The following RFTN1 variants were observed in gnomAD, a reference collection of about 807,000 sequenced individuals.
RFTN1 encodes the protein raftlin.
RFTN1 carries 26 observed loss-of-function variants against 46.5 expected under a neutral mutation model. The ratio of observed to expected loss-of-function variants is 0.56; its 90% CI spans 0.41 to 0.78. The LOEUF (loss-of-function observed/expected upper bound fraction) is 0.78, where lower values mean the gene tolerates loss of function less well. Ranked by LOEUF, RFTN1 falls within the 30% of genes least tolerant of loss-of-function variation. The probability of loss-of-function intolerance (pLI) is 0.00; values close to 1 mark genes in which losing one functional copy is unlikely to be tolerated. For missense variants in RFTN1, 693 were observed against 718.7 expected (o/e 0.96, Z 0.41); for synonymous variants, 261 against 284.2 (o/e 0.92, Z 0.82).
intron 8 of RFTN1, among the ~76,000 whole-genome samples, chr3:16,324,471 C>G (rs1230063948): frequency 6.6e-6 from 1 of 152,148 alleles, no homozygotes; most frequent in Non-Finnish European, 1.5e-5. Context: ...AAACACCATT[C>G]TACTCTCTGC....
In RFTN1 at chr3:16,425,961, G is replaced by C. The variant is rs1417856219; in HGVS notation, c.332+7890C>G. 6.6e-6 allele frequency among the ~76,000 whole-genome samples: 1 copy of C among 152,186 alleles called. No individual in the cohort carries two copies. Among genetic ancestry groups the C allele is most frequent in the African/African-American group, 2.4e-5 (1 of 41,454 alleles). ...CACCAGAAACGAGGGGCAGCTGCCA[G>C]CAACGGGTGTTCGCCCCACCTAAAT... On this transcript the variant is annotated intron_variant, in intron 3 of 9. Transcript: ENST00000334133. This position sits in a 1 kb window ranked among gnomAD's most constrained non-coding sequence, Gnocchi z 4.3.
At position 16,345,236 on chromosome 3, in the gene RFTN1, C is replaced by G. The variant is rs1409037371; in HGVS notation, c.1146+12696G>C. 6.8e-6 allele frequency: 1 copy of G among 147,488 alleles called. No individual in the cohort carries two copies. Among genetic ancestry groups the G allele is most frequent in the Admixed American group, 6.7e-5 (1 of 14,984 alleles). The allele number at this position is 147,488 out of a possible 1,614,324, so 9.1% of individuals were successfully genotyped here. A position where few individuals can be genotyped will look rare whatever the true frequency, so the allele number is the denominator to read the frequency against. ...TCAGCCCACCTGGATTTCTGGCCCA[C>G]AGAAACTGTAAGATAATAAGTAGGT... On this transcript the variant is annotated intron_variant, in intron 7 of 9. Transcript: ENST00000334133. The surrounding 1 kb of genome is among the most constrained non-coding windows in gnomAD (Gnocchi z 5.2).
rs1392371001 is a variant in RFTN1, at chr3:16,465,351, G to A, written c.145+28374C>T. Among the ~76,000 whole-genome samples, 6 of 151,292 alleles carry A rather than the reference G, an allele frequency of 4.0e-5. No homozygotes were observed. The highest frequency in any genetic ancestry group is 1.3e-4 in the Admixed American group (2 of 15,140). On this transcript the variant is annotated intron_variant, in intron 2 of 9. Coordinates refer to ENST00000334133, the MANE Select transcript of RFTN1 (RefSeq NM_015150.2). The surrounding 1 kb of genome is among the most constrained non-coding windows in gnomAD (Gnocchi z 5.1). ...ATTTTTATCCATTTGATTGCTGAAC[G>A]CTTTCATCAAGGCAATTCTCTGAGC... is the stretch of plus-strand genomic sequence containing the variant.
At chr3:16,379,561 G>T (rs113695506) in intron 4 of RFTN1, among the ~76,000 whole-genome samples, 3,497 of 152,260 alleles carry the variant, frequency 0.023, 136 homozygotes, top group African/African-American at 0.08. Flanking sequence ...GCAAAACCAG[G>T]TCTGGCCTGG....
At chr3:16,482,702 G>C (rs974761718) in intron 2 of RFTN1, 3 of 1,366,428 alleles carry the variant, frequency 2.2e-6, no homozygotes, top group Middle Eastern at 1.8e-4. Context: ...TGCCACATTA[G>C]CTGTTATTAC....
chr3:16,417,587 A>G (rs550984274), intron 3 of RFTN1, among the ~76,000 whole-genome samples: 1 of 152,212 alleles, frequency 6.6e-6, no homozygotes, highest in South Asian at 2.1e-4. Flanking sequence ...ACTGTGTGCA[A>G]ACTCAGAGAT....
intron 3 of RFTN1, among the ~76,000 whole-genome samples, chr3:16,417,166 T>G (rs1422528211): frequency 1.3e-5 from 2 of 151,580 alleles, no homozygotes; most frequent in African/African-American, 4.8e-5. Flanking sequence ...CATGCTACCA[T>G]GTCTGGCTAA....
intron 4 of RFTN1, among the ~76,000 whole-genome samples, chr3:16,392,905 C>G (rs145440569): frequency 5.3e-5 from 8 of 152,260 alleles, no homozygotes; most frequent in Admixed American, 5.2e-4. Flanking sequence ...TCTCCTAACC[C>G]TCTGTACTTT....
At chr3:16,462,817 C>T (rs1040047335) in intron 2 of RFTN1, among the ~76,000 whole-genome samples, 6 of 152,176 alleles carry the variant, frequency 3.9e-5, no homozygotes, top group Non-Finnish European at 7.3e-5. Flanking sequence ...CTCGTTTGAC[C>T]TTTAAACTAC....
In RFTN1 at chr3:16,407,271, C is replaced by T. The variant is rs149240553; in HGVS notation, c.441+2104G>A. ...AATCATAGCTCACTGTGGTCTCAAACTCCTGGGCTCAAGCAATTCTCTCGC... is the reference window on the plus strand; with the variant it reads ...AATCATAGCTCACTGTGGTCTCAAATTCCTGGGCTCAAGCAATTCTCTCGC... On this transcript the variant is annotated intron_variant, in intron 4 of 9. Transcript: ENST00000334133. This position sits in a 1 kb window ranked among gnomAD's most constrained non-coding sequence, Gnocchi z 4.0. Among the ~76,000 whole-genome samples, 5 of 152,320 alleles carry T rather than the reference C, an allele frequency of 3.3e-5. No individual in the cohort carries two copies. The East Asian group carries it at 9.6e-4, about 29-fold the overall frequency.
At chr3:16,408,725 G>C (rs1286634875) in intron 4 of RFTN1, among the ~76,000 whole-genome samples, 1 of 147,704 alleles carries the variant, frequency 6.8e-6, no homozygotes, top group African/African-American at 2.5e-5. Context: ...TGGCTGATTG[G>C]ACCTCAAATC....
chr3:16,414,589 G>C (rs9874976), intron 3 of RFTN1, among the ~76,000 whole-genome samples: 17,481 of 147,822 alleles, frequency 0.12, 1,677 homozygotes, highest in African/African-American at 0.27. Flanking sequence ...GAGCAACAGA[G>C]TGAGACTTCA....
rs1053965635 is a variant in RFTN1 at position 16,320,420 on chromosome 3, G to T, written c.1332+2956C>A. Among the ~76,000 whole-genome samples the T allele has an allele frequency of 6.6e-6, 1 of 152,140 alleles. No individual in the cohort carries two copies. The highest frequency in any genetic ancestry group is 1.9e-4 in the East Asian group (1 of 5,198). On this transcript the variant is annotated intron_variant, in intron 9 of 9. Coordinates refer to ENST00000334133, the MANE Select transcript of RFTN1 (RefSeq NM_015150.2). This position sits in a 1 kb window ranked among gnomAD's most constrained non-coding sequence, Gnocchi z 4.5. ...TGCTAGACATACTATGTGTGTCCTCGCTAAGAAGCTGATTACTCATTCATT... is the reference window on the plus strand; with the variant it reads ...TGCTAGACATACTATGTGTGTCCTCTCTAAGAAGCTGATTACTCATTCATT...
At chr3:16,502,768 C>T (rs2076734127) in intron 1 of RFTN1, among the ~76,000 whole-genome samples, 1 of 152,240 alleles carries the variant, frequency 6.6e-6, no homozygotes, top group South Asian at 2.1e-4. Flanking sequence ...GGCCAACATC[C>T]TCACTGCAAC....
rs2071371006 is a variant in RFTN1 at position 16,342,332 on chromosome 3, T to C, written c.1147-15456A>G. On this transcript the variant is annotated intron_variant, in intron 7 of 9. Transcript: ENST00000334133. The surrounding 1 kb of genome is among the most constrained non-coding windows in gnomAD (Gnocchi z 4.0). The stretch of plus-strand genomic sequence containing the variant: ...GCAACTGGCTTCTTTCACTTTAGCA[T>C]ATGTTCAAGGTTCATACATGTAGCA... Among the ~76,000 whole-genome samples the C allele has an allele frequency of 6.6e-6, 1 of 152,268 alleles. No homozygotes were observed. Among genetic ancestry groups the C allele is most frequent in the Admixed American group, 6.5e-5 (1 of 15,290 alleles).
intron 1 of RFTN1, among the ~76,000 whole-genome samples, chr3:16,502,899 C>T (rs2076736643): frequency 6.6e-6 from 1 of 152,172 alleles, no homozygotes. Flanking sequence ...GGCAATTTAC[C>T]ACCCATCAAT....
intron 4 of RFTN1, among the ~76,000 whole-genome samples, chr3:16,404,395 TAC>T (rs113496379): frequency 5.0e-5 from 1 of 19,826 alleles, no homozygotes; most frequent in African/African-American, 2.0e-4. Context: ...ATAATATATA[TAC>T]AATATATAAT....
intron 4 of RFTN1, 112 bp from the exon 5 acceptor site, chr3:16,378,214 GAGA>G: frequency 3.5e-6 from 3 of 855,838 alleles, no homozygotes; most frequent in East Asian, 2.5e-5. Context: ...TCAGGTGCAG[GAGA>G]AGAATTCCAA....
Position 16,507,692 on chromosome 3 carries a change from TACAC to T in RFTN1, c.-9+5746_-9+5749del, listed in dbSNP as rs1225183240. On this transcript the variant is annotated intron_variant, in intron 1 of 9. Transcript: ENST00000334133. The surrounding 1 kb of genome is among the most constrained non-coding windows in gnomAD (Gnocchi z 7.1). ...CACACAATGCACATAAACACACACA[TACAC>T]ACACATACATACACATACACACATA... Among the ~76,000 whole-genome samples, 1 of 144,568 alleles carries T rather than the reference TACAC, an allele frequency of 6.9e-6. No individual in the cohort carries two copies. The highest frequency in any genetic ancestry group is 2.6e-5 in the African/African-American group (1 of 38,422). The allele number at this position is 144,568 out of a possible 152,430, so 94.8% of individuals were successfully genotyped here. A position where few individuals can be genotyped will look rare whatever the true frequency, so the allele number is the denominator to read the frequency against.
Sources: gnomAD v4.1 joint callset for allele counts (sites outside exome capture counted in the v4.1 genomes callset) on GRCh38, gnomAD v4.1.1 for gene constraint, Gnocchi (gnomAD v3.1) non-coding constraint, MANE v1.5 for transcripts, NCBI Gene and HGNC (gene_info 2026-07-23, HGNC 2026-07-21) for gene names.